The following RANBP17 variants were observed in gnomAD, a reference collection of about 807,000 sequenced individuals.
RANBP17 encodes RAN binding protein 17.
In RANBP17, 158 loss-of-function variants were observed where a neutral mutation model predicts 141.2. The ratio of observed to expected loss-of-function variants is 1.12; its 90% CI spans 0.98 to 1.28. RANBP17 has a LOEUF of 1.28. Ranked by LOEUF, RANBP17 falls within the 50% of genes most tolerant of loss-of-function variation. The pLI is 0.00. For missense variants in RANBP17, 1,438 were observed against 1,290.7 expected (o/e 1.11, Z -1.75); for synonymous variants, 430 against 450.0 (o/e 0.96, Z 0.56).
intron 16 of RANBP17, among the ~76,000 whole-genome samples, chr5:171,182,009 C>T (rs1192478558): frequency 6.6e-6 from 1 of 152,198 alleles, no homozygotes. Context: ...CCTAGGTCTC[C>T]TGACTCATGT....
rs557319119 is a variant in RANBP17 at position 171,128,825 on chromosome 5, C to CA, written c.1711-41305_1711-41304insA. Among the ~76,000 whole-genome samples the CA allele has an allele frequency of 1.9e-3, 286 of 151,476 alleles. 1 individual carries two copies. Among genetic ancestry groups the CA allele is most frequent in the African/African-American group, 6.4e-3 (263 of 41,290 alleles). On this transcript the variant is annotated intron_variant, in intron 14 of 27. Transcript: ENST00000523189. ...TAAAAAAATAAAATAGTCAAGACCCCCCCCAAAAAAAATTTGGACATGAAT... is the reference window on the plus strand; with the variant it reads ...TAAAAAAATAAAATAGTCAAGACCCCACCCCAAAAAAAATTTGGACATGAAT...
At chr5:170,874,512 C>T (rs1401002909) in intron 1 of RANBP17, among the ~76,000 whole-genome samples, 1 of 152,094 alleles carries the variant, frequency 6.6e-6, no homozygotes, top group East Asian at 1.9e-4. Context: ...TCTGGATGCT[C>T]CTGCATCGGT....
rs74291539 is a variant in RANBP17, at chr5:171,153,778, T to A, written c.1711-16352T>A. 1.6e-3 allele frequency among the ~76,000 whole-genome samples: 245 copies of A among 152,332 alleles called. 5 individuals are homozygous for A. The East Asian group carries it at 0.034, about 21-fold the overall frequency. ...AAGATTGCAAACAGGCTGAGTGCAG[T>A]GGCTCATGCCTGTAATCTTCAGGCG... On this transcript the variant is annotated intron_variant, in intron 14 of 27. Transcript: ENST00000523189.
chr5:171,010,809 A>G (rs1393307658), intron 14 of RANBP17, among the ~76,000 whole-genome samples: 1 of 152,194 alleles, frequency 6.6e-6, no homozygotes, highest in Non-Finnish European at 1.5e-5. Flanking sequence ...ACTTAGAGAA[A>G]AATGACAAAA....
intron 14 of RANBP17, among the ~76,000 whole-genome samples, chr5:171,053,377 C>T (rs984605672): frequency 6.6e-6 from 1 of 152,058 alleles, no homozygotes; most frequent in African/African-American, 2.4e-5. Flanking sequence ...TAATAGTCCC[C>T]AGTGTGTCTT....
intron 14 of RANBP17, among the ~76,000 whole-genome samples, chr5:170,987,858 A>T (rs879417143): frequency 1.3e-5 from 2 of 151,610 alleles, no homozygotes; most frequent in Non-Finnish European, 3.0e-5. Flanking sequence ...TTATGGTGTA[A>T]GTTAGAGAAA....
intron 19 of RANBP17, 126 bp from the exon 20 acceptor site, chr5:171,205,398 A>C: frequency 1.4e-6 from 1 of 691,038 alleles, no homozygotes; most frequent in Non-Finnish European, 2.5e-6. Context: ...CTGTAGAAAG[A>C]GGTCTGAACG....
At chr5:171,158,608 C>A in intron 14 of RANBP17, 1 of 169,496 alleles carries the variant, frequency 5.9e-6, no homozygotes, top group Non-Finnish European at 1.3e-5. Flanking sequence ...TTGCAATTCT[C>A]AAGTTTTGTT....
At chr5:170,865,411 C>T (rs915681574) in intron 1 of RANBP17, among the ~76,000 whole-genome samples, 32 of 152,136 alleles carry the variant, frequency 2.1e-4, no homozygotes, top group Non-Finnish European at 2.5e-4. Context: ...ATTATTTGCC[C>T]GAGGTCACTT....
At chr5:171,082,590 G>A (rs1785325776) in intron 14 of RANBP17, among the ~76,000 whole-genome samples, 1 of 152,126 alleles carries the variant, frequency 6.6e-6, no homozygotes, top group Non-Finnish European at 1.5e-5. Flanking sequence ...GGAATCCTCT[G>A]TTCTAGTGTG....
At chr5:171,151,812 T>C (rs1758507425) in intron 14 of RANBP17, among the ~76,000 whole-genome samples, 1 of 152,194 alleles carries the variant, frequency 6.6e-6, no homozygotes, top group African/African-American at 2.4e-5. Context: ...TGACATTTCT[T>C]TTCAATTGCC....
chr5:171,115,053 A>G (rs1457541032), intron 14 of RANBP17, among the ~76,000 whole-genome samples: 1 of 152,088 alleles, frequency 6.6e-6, no homozygotes, highest in Non-Finnish European at 1.5e-5. Context: ...GTTAGCTGTG[A>G]TTATGCCACT....
At chr5:171,064,959 T>G (rs1231101564) in intron 14 of RANBP17, among the ~76,000 whole-genome samples, 1 of 152,238 alleles carries the variant, frequency 6.6e-6, no homozygotes, top group African/African-American at 2.4e-5. Context: ...GTCAGTTACC[T>G]TTGATTTTGT....
intron 14 of RANBP17, among the ~76,000 whole-genome samples, chr5:171,001,839 C>G (rs1779220327): frequency 6.6e-6 from 1 of 152,026 alleles, no homozygotes; most frequent in African/African-American, 2.4e-5. Flanking sequence ...TTACGTCTGA[C>G]AAAAGGGAAG....
intron 24 of RANBP17, among the ~76,000 whole-genome samples, chr5:171,244,485 T>TG (rs1261248799): frequency 2.6e-5 from 4 of 152,196 alleles, no homozygotes; most frequent in Non-Finnish European, 4.4e-5. Context: ...CTGACTCTGT[T>TG]GCCCAGGCTG....
Position 171,141,806 on chromosome 5 carries a change from C to T in RANBP17, c.1711-28324C>T, listed in dbSNP as rs139209634. On this transcript the variant is annotated intron_variant, in intron 14 of 27. Coordinates refer to ENST00000523189, the MANE Select transcript of RANBP17 (RefSeq NM_022897.5). ...TCACTCAATTTTTTTATGATTGCAT[C>T]CTTATTCAAGAGTTCATTTTAAACA... 1.7e-3 allele frequency among the ~76,000 whole-genome samples: 257 copies of T among 152,132 alleles called. 2 individuals carry two copies. The highest frequency in any genetic ancestry group is 6.0e-3 in the African/African-American group (251 of 41,506).
chr5:171,262,153 TTATATGATTGATAGCATATTGCTTTTCAC>T (rs1333299003), intron 24 of RANBP17, among the ~76,000 whole-genome samples: 2 of 152,224 alleles, frequency 1.3e-5, no homozygotes, highest in African/African-American at 4.8e-5. Context: ...TTTATAATTT[TTATATGATTGATAGCATATTGCTTTTCAC>T]TGGTGAGGGG....
Position 170,914,172 on chromosome 5 carries a change from C to G in RANBP17, c.766C>G (p.Leu256Val), listed in dbSNP as rs1437148806. 6.2e-7 allele frequency: 1 copy of G among 1,604,470 alleles called. No homozygotes were observed. Among genetic ancestry groups the G allele is most frequent in the Non-Finnish European group, 8.5e-7 (1 of 1,172,198 alleles). ...AAAATAATTTTTTTTCCCAGTTTTC[C>G]TGGAACCAGAAACATTGGATCTTTT... ...QIPTTWRTIF[L>V]EPETLDLFFN... The change falls in exon 8 of 28, where the codon CTG (leucine) becomes GTG (valine). Residue 256 changes from leucine (L) to valine (V), a missense_variant. Coordinates refer to ENST00000523189, the MANE Select transcript of RANBP17 (RefSeq NM_022897.5).
chr5:170,865,484 G>A (rs112474765), intron 1 of RANBP17, among the ~76,000 whole-genome samples: 1 of 152,116 alleles, frequency 6.6e-6, no homozygotes, highest in Non-Finnish European at 1.5e-5. Context: ...TTTTCAAATC[G>A]AACCATGACA....
Sources: allele counts gnomAD v4.1 joint callset (sites outside exome capture counted in the v4.1 genomes callset), GRCh38; gene constraint gnomAD v4.1.1; transcripts MANE v1.5; gene names NCBI Gene and HGNC (gene_info 2026-07-23, HGNC 2026-07-21).